FBXL7: variants seen among roughly 807,000 people sequenced by gnomAD.
The protein encoded by FBXL7 is F-box and leucine rich repeat protein 7, also known as F-box/LRR-repeat protein 7.
Under a neutral mutation model 38.3 loss-of-function variants are expected in FBXL7, and 12 were observed. That is an observed-to-expected ratio of 0.31 (90% CI 0.20 to 0.51). The LOEUF (loss-of-function observed/expected upper bound fraction) is 0.51, where lower values mean the gene tolerates loss of function less well. FBXL7 is among the 20% of genes least tolerant of loss of function. The probability of loss-of-function intolerance (pLI) is 0.98; values close to 1 mark genes in which losing one functional copy is unlikely to be tolerated. For missense variants in FBXL7, 567 were observed against 676.4 expected, an observed-to-expected ratio of 0.84 and a Z score of 1.79; for synonymous variants, 297 against 300.9, an observed-to-expected ratio of 0.99 and a Z score of 0.13.
chr5:15,894,531 T>G (rs1741033518), intron 2 of FBXL7, among the ~76,000 whole-genome samples: 1 of 152,232 alleles, frequency 6.6e-6, no homozygotes, highest in Non-Finnish European at 1.5e-5. Flanking sequence ...GAGAAGTTAC[T>G]GATTGATAGC....
At chr5:15,876,563 T>G (rs541572166) in intron 2 of FBXL7, among the ~76,000 whole-genome samples, 2 of 152,362 alleles carry the variant, frequency 1.3e-5, no homozygotes, top group South Asian at 4.1e-4. Flanking sequence ...CAAAGGTTTC[T>G]CTTCATTTGA....
intron 1 of FBXL7, among the ~76,000 whole-genome samples, chr5:15,527,768 A>C (rs993408013): frequency 6.6e-6 from 1 of 152,182 alleles, no homozygotes; most frequent in Non-Finnish European, 1.5e-5. Flanking sequence ...GTAAAGTCGC[A>C]GGGAACTGTA....
intron 1 of FBXL7, among the ~76,000 whole-genome samples, chr5:15,532,924 G>A (rs980164698): frequency 2.0e-5 from 3 of 152,230 alleles, no homozygotes; most frequent in Admixed American, 2.0e-4. Context: ...ATGTGGAAGA[G>A]TCACAGATGC....
At chr5:15,896,915 C>G (rs1424686565) in intron 2 of FBXL7, among the ~76,000 whole-genome samples, 2 of 152,142 alleles carry the variant, frequency 1.3e-5, no homozygotes, top group Non-Finnish European at 2.9e-5. Flanking sequence ...GGGCAGATCA[C>G]TTGAGGCCAG....
chr5:15,760,845 T>C (rs1453050690), intron 2 of FBXL7, among the ~76,000 whole-genome samples: 1 of 152,018 alleles, frequency 6.6e-6, no homozygotes, highest in African/African-American at 2.4e-5. Context: ...AATAAGTATA[T>C]TGAACAAAAT....
At chr5:15,691,040 T>G (rs1333306506) in intron 2 of FBXL7, among the ~76,000 whole-genome samples, 1 of 152,222 alleles carries the variant, frequency 6.6e-6, no homozygotes, top group African/African-American at 2.4e-5. Flanking sequence ...AGTGGAATGT[T>G]TCCTGTATGT....
chr5:15,903,993 T>G (rs1301498465), intron 2 of FBXL7, among the ~76,000 whole-genome samples: 1 of 152,174 alleles, frequency 6.6e-6, no homozygotes, highest in Non-Finnish European at 1.5e-5. Flanking sequence ...GGGATCTAAG[T>G]GTAAGGTTGA....
chr5:15,896,511 A>G (rs1037640177), intron 2 of FBXL7, among the ~76,000 whole-genome samples: 2 of 152,184 alleles, frequency 1.3e-5, no homozygotes, highest in Non-Finnish European at 2.9e-5. Flanking sequence ...CAATCTGTAT[A>G]TTGTGGCTCT....
chr5:15,711,073 T>C (rs553414407), intron 2 of FBXL7, among the ~76,000 whole-genome samples: 1 of 152,268 alleles, frequency 6.6e-6, no homozygotes, highest in South Asian at 2.1e-4. Context: ...TCTCTTCTTT[T>C]GTCTGCTGCC....
intron 1 of FBXL7, among the ~76,000 whole-genome samples, chr5:15,513,286 A>T (rs1300875941): frequency 6.6e-6 from 1 of 152,226 alleles, no homozygotes; most frequent in African/African-American, 2.4e-5. Context: ...TGTGGTAAGA[A>T]ATACAGTATC....
At chr5:15,682,072 T>TGATC (rs1460308135) in intron 2 of FBXL7, among the ~76,000 whole-genome samples, 1 of 152,228 alleles carries the variant, frequency 6.6e-6, no homozygotes. Context: ...AAATGTTGAT[T>TGATC]GATCAATTGT....
chr5:15,659,282 G>GA lies in FBXL7; in HGVS notation c.127+43219dup, dbSNP rs373518189. 8.0e-4 allele frequency among the ~76,000 whole-genome samples: 119 copies of GA among 148,410 alleles called. 1 individual carries two copies. The highest frequency in any genetic ancestry group is 7.7e-3 in the South Asian group (36 of 4,698). ...GATCTAAACAGGCAATGCAGTGAAG[G>GA]AAAAAAAAATGCAAGTAGAAAGCTA... is the stretch of plus-strand genomic sequence containing the variant. On this transcript the variant is annotated intron_variant, in intron 2 of 3. Transcript: ENST00000504595.
chr5:15,776,190 A>G (rs553350172), intron 2 of FBXL7, among the ~76,000 whole-genome samples: 22 of 152,218 alleles, frequency 1.4e-4, no homozygotes, highest in African/African-American at 5.1e-4. Context: ...ATGCCGGCCA[A>G]CATTCGGATT....
intron 2 of FBXL7, among the ~76,000 whole-genome samples, chr5:15,658,525 A>G (rs1483378871): frequency 6.6e-6 from 1 of 152,164 alleles, no homozygotes; most frequent in East Asian, 1.9e-4. Flanking sequence ...AGCTGCAGAC[A>G]AGAACCCCTC....
intron 2 of FBXL7, among the ~76,000 whole-genome samples, chr5:15,881,103 A>G (rs1222552023): frequency 6.6e-6 from 1 of 152,104 alleles, no homozygotes; most frequent in East Asian, 1.9e-4. Flanking sequence ...TAAGTTCTTT[A>G]GTGGTGATTT....
intron 2 of FBXL7, among the ~76,000 whole-genome samples, chr5:15,815,364 C>T (rs941955133): frequency 6.6e-5 from 10 of 152,114 alleles, no homozygotes; most frequent in South Asian, 2.1e-4. Flanking sequence ...TCTTTATGGA[C>T]GCATTATGCA....
chr5:15,594,055 A>C (rs1193412175), intron 1 of FBXL7, among the ~76,000 whole-genome samples: 1 of 152,320 alleles, frequency 6.6e-6, no homozygotes, highest in African/African-American at 2.4e-5. Context: ...AGACTAAATG[A>C]CTTTGTCCAG....
intron 3 of FBXL7, among the ~76,000 whole-genome samples, chr5:15,932,212 G>A (rs1182092736): frequency 6.6e-6 from 1 of 152,088 alleles, no homozygotes; most frequent in Non-Finnish European, 1.5e-5. Context: ...GAGGTGGTTG[G>A]GAGGATTAAA....
chr5:15,616,161 A>G (rs1740445730), intron 2 of FBXL7, 89 bp downstream of exon 2: 8 of 885,132 alleles, frequency 9.0e-6, no homozygotes, highest in Non-Finnish European at 1.5e-5. Flanking sequence ...TGTTAGTTCT[A>G]TTCTCCTGAG....
Sources: allele counts gnomAD v4.1 joint callset (sites outside exome capture counted in the v4.1 genomes callset), GRCh38; gene constraint gnomAD v4.1.1; transcripts MANE v1.5; gene names NCBI Gene and HGNC (gene_info 2026-07-23, HGNC 2026-07-21).